Variants in SND1 observed in about 807,000 individuals in gnomAD.
SND1 encodes staphylococcal nuclease and tudor domain containing 1.
In SND1, 38 loss-of-function variants were observed where a neutral mutation model predicts 121.7. That is an observed-to-expected ratio of 0.31 (90% confidence interval 0.24 to 0.41). SND1 has a LOEUF of 0.41. SND1 is among the 10% of genes least tolerant of loss of function. The probability of loss-of-function intolerance (pLI) is 1.00; values close to 1 mark genes in which losing one functional copy is unlikely to be tolerated. For missense variants in SND1, 868 were observed against 1,184.6 expected, an observed-to-expected ratio of 0.73 and a Z score of 3.92; for synonymous variants, 401 against 447.4, an observed-to-expected ratio of 0.90 and a Z score of 1.31.
intron 13 of SND1, 38 bp downstream of exon 13, chr7:127,888,050 A>G (rs1799944079): frequency 6.9e-7 from 1 of 1,440,736 alleles, no homozygotes; most frequent in Admixed American, 1.7e-5. Context: ...GGGAACCCAC[A>G]CCCTCACTTT....
At chr7:127,969,373 T>G (rs1471024290) in intron 15 of SND1, among the ~76,000 whole-genome samples, 3 of 152,174 alleles carry the variant, frequency 2.0e-5, no homozygotes, top group Admixed American at 1.3e-4. Context: ...TACAGATGCC[T>G]GGTTTCTGAT....
At chr7:127,976,965 G>A (rs148401064) in intron 15 of SND1, among the ~76,000 whole-genome samples, 339 of 152,242 alleles carry the variant, frequency 2.2e-3, no homozygotes, top group African/African-American at 7.5e-3. Flanking sequence ...TGGGGATTCC[G>A]CCCGCACTAA....
chr7:127,679,325 G>T (rs143645423), intron 1 of SND1: 1 of 152,184 alleles, frequency 6.6e-6, no homozygotes, highest in African/African-American at 2.4e-5. Context: ...AAATTTTTTT[G>T]TTAATGTTTT....
At chr7:127,655,326 A>G (rs984074139) in intron 1 of SND1, among the ~76,000 whole-genome samples, 3 of 152,254 alleles carry the variant, frequency 2.0e-5, no homozygotes, top group African/African-American at 7.2e-5. Flanking sequence ...TTGGGAATCC[A>G]GTTGTAAAAC....
At chr7:127,744,977 CT>C (rs1273455827) in intron 10 of SND1, among the ~76,000 whole-genome samples, 1 of 152,204 alleles carries the variant, frequency 6.6e-6, no homozygotes, top group African/African-American at 2.4e-5. Context: ...TTTAAAACTT[CT>C]GTTACATTCA....
chr7:127,688,260 C>T (rs546741007), intron 2 of SND1, among the ~76,000 whole-genome samples: 1 of 152,238 alleles, frequency 6.6e-6, no homozygotes, highest in East Asian at 1.9e-4. Flanking sequence ...AATGCCCAGC[C>T]CCCTTGCTTT....
At position 128,029,083 on chromosome 7, in the gene SND1, C is replaced by G. The variant is rs560143316; in HGVS notation, c.1779+38027C>G. The G allele has an allele frequency of 6.2e-7, 1 of 1,614,036 alleles. No homozygotes were observed. Among genetic ancestry groups the G allele is most frequent in the East Asian group, 2.2e-5 (1 of 44,872 alleles). The stretch of plus-strand genomic sequence containing the variant: ...ATCTTGGTGGTCTTCATGACTTCAT[C>G]CAGGCTGGTCTGCATCTTGTCAGTG... On this transcript the variant is annotated intron_variant, in intron 16 of 23. Transcript: ENST00000354725. The surrounding 1 kb of genome is among the most constrained non-coding windows in gnomAD (Gnocchi z 4.2).
intron 16 of SND1, among the ~76,000 whole-genome samples, chr7:128,058,457 CAGAT>C (rs1439301312): frequency 6.6e-6 from 1 of 152,254 alleles, no homozygotes; most frequent in Non-Finnish European, 1.5e-5. Flanking sequence ...AATTTGAACT[CAGAT>C]AGTCTGGCTG....
intron 12 of SND1, among the ~76,000 whole-genome samples, chr7:127,848,293 A>G (rs1370700597): frequency 3.3e-5 from 5 of 152,212 alleles, no homozygotes; most frequent in Non-Finnish European, 2.9e-5. Flanking sequence ...TATTTCAATG[A>G]TATTTAATGA....
chr7:127,679,227 T>C (rs1343870243), intron 1 of SND1: 1 of 152,222 alleles, frequency 6.6e-6, no homozygotes, highest in Non-Finnish European at 1.5e-5. Context: ...TAGTTATTTC[T>C]AGAGGATTTG....
rs902729463 is a variant in SND1 at position 127,958,469 on chromosome 7, G to A, written c.1669+29140G>A. 5.3e-5 allele frequency among the ~76,000 whole-genome samples: 8 copies of A among 151,116 alleles called. No homozygotes were observed. In the South Asian group the frequency reaches 6.2e-4, roughly 12 times the overall value. On this transcript the variant is annotated intron_variant, in intron 15 of 23. Transcript: ENST00000354725. Reference sequence around the variant, plus strand: ...GCCATGCATGGTGGCCCTGAGATGCGCAGAACTAGGGCTAGCCTGAGCCAC... The same window carrying A: ...GCCATGCATGGTGGCCCTGAGATGCACAGAACTAGGGCTAGCCTGAGCCAC...
rs192633622 is a variant in SND1 at position 127,981,373 on chromosome 7, A to G, written c.1670-9574A>G. Among the ~76,000 whole-genome samples the G allele has an allele frequency of 1.3e-4, 20 of 152,300 alleles. No individual in the cohort carries two copies. In the East Asian group the frequency reaches 1.5e-3, roughly 12 times the overall value. ...ATTATTGCAGCTGCTGCTTATAGCA[A>G]TCCCCAAAAATGAACATGGGCATTG... On this transcript the variant is annotated intron_variant, in intron 15 of 23. Transcript: ENST00000354725.
chr7:127,724,192 A>T (rs1006535951), intron 10 of SND1, among the ~76,000 whole-genome samples: 1 of 152,248 alleles, frequency 6.6e-6, no homozygotes, highest in Non-Finnish European at 1.5e-5. Flanking sequence ...AGTAGGGGAA[A>T]TACACAAGTA....
chr7:127,899,159 A>G (rs2116754703), intron 13 of SND1, among the ~76,000 whole-genome samples: 1 of 152,296 alleles, frequency 6.6e-6, no homozygotes, highest in East Asian at 1.9e-4. Flanking sequence ...AGGGCAGAAT[A>G]CTAACCCTCA....
chr7:127,691,932 G>A (rs762517304), intron 2 of SND1, among the ~76,000 whole-genome samples: 12 of 151,916 alleles, frequency 7.9e-5, no homozygotes, highest in Non-Finnish European at 1.3e-4. Flanking sequence ...CAAAGTGCTG[G>A]GATTACAGGC....
At chr7:127,953,369 A>C (rs1801513808) in intron 15 of SND1, among the ~76,000 whole-genome samples, 1 of 151,906 alleles carries the variant, frequency 6.6e-6, no homozygotes, top group Non-Finnish European at 1.5e-5. Context: ...CACCCCACAC[A>C]CTTCTCATTC....
intron 16 of SND1, among the ~76,000 whole-genome samples, chr7:128,002,683 C>T (rs1447406496): frequency 6.6e-6 from 1 of 152,188 alleles, no homozygotes; most frequent in Non-Finnish European, 1.5e-5. Flanking sequence ...TCTGTTGATG[C>T]AGGTCCTCTG....
intron 1 of SND1, among the ~76,000 whole-genome samples, chr7:127,656,923 A>T (rs16885524): frequency 0.33 from 50,024 of 152,092 alleles, 9,082 homozygotes; most frequent in Admixed American, 0.42. Context: ...GGCTTTTCCC[A>T]GTGGTCTTAA....
intron 10 of SND1, among the ~76,000 whole-genome samples, chr7:127,756,787 T>C (rs1246027834): frequency 1.3e-5 from 2 of 152,248 alleles, no homozygotes; most frequent in East Asian, 3.8e-4. Context: ...CCACCAGGAA[T>C]AATTTGCATA....
Sources: allele counts gnomAD v4.1 joint callset (sites outside exome capture counted in the v4.1 genomes callset), GRCh38; gene constraint gnomAD v4.1.1; non-coding constraint Gnocchi (gnomAD v3.1); transcripts MANE v1.5; gene names NCBI Gene and HGNC (gene_info 2026-07-23, HGNC 2026-07-21).